Variants in TEX48 observed in about 807,000 individuals in gnomAD.
The protein encoded by TEX48 is testis expressed 48.
Under a neutral mutation model 13.2 loss-of-function variants are expected in TEX48, and 10 were observed. The ratio of observed to expected loss-of-function variants is 0.75; its 90% confidence interval spans 0.47 to 1.28. The LOEUF is 1.28. TEX48 is among the 50% of genes most tolerant of loss of function. The pLI, the probability that TEX48 is intolerant of heterozygous loss-of-function variation, is 0.00. For synonymous variants in TEX48, 45 were observed against 52.3 expected, an observed-to-expected ratio of 0.86 and a Z score of 0.60; for missense variants, 116 against 139.4, an observed-to-expected ratio of 0.83 and a Z score of 0.84.
chr9:114,667,447 C>G (rs1827861757), intron 4 of TEX48, among the ~76,000 whole-genome samples: 1 of 152,220 alleles, frequency 6.6e-6, no homozygotes, highest in Non-Finnish European at 1.5e-5. Flanking sequence ...TTGAACTACA[C>G]TCAATCCACA....
intron 3 of TEX48, among the ~76,000 whole-genome samples, chr9:114,668,994 G>A (rs1009815493): frequency 2.0e-5 from 3 of 151,874 alleles, no homozygotes; most frequent in East Asian, 1.9e-4. Flanking sequence ...GTGTCACTGC[G>A]CCCAGCTAAT....
In TEX48 at chr9:114,668,299, G is replaced by A. The variant is rs1243553029; in HGVS notation, c.166C>T (p.Pro56Ser). 13 of 1,535,652 alleles carry A rather than the reference G, an allele frequency of 8.5e-6. No homozygotes were observed. Among genetic ancestry groups the A allele is most frequent in the Middle Eastern group, 1.7e-4 (1 of 5,990 alleles). ...TGGGAGACTGCGTTAATGCGCTTGG[G>A]ATTTTGTCTGTCAAGCTCATCCTTC... is the stretch of plus-strand genomic sequence containing the variant. ...LQKDELDRQN[P>S]KRINAVSHLP... The change falls in exon 4 of 5, where the codon CCC becomes TCC. Residue 56 changes from proline (P) to serine (S), a missense_variant. Physicochemically the swap from Pro to Ser is moderately conservative, Grantham distance 74. Coordinates refer to ENST00000436752, the MANE Select transcript of TEX48 (RefSeq NM_001199233.2).
At chr9:114,676,362 G>T (rs1403002450) in intron 1 of TEX48, among the ~76,000 whole-genome samples, 1 of 151,844 alleles carries the variant, frequency 6.6e-6, no homozygotes, top group African/African-American at 2.4e-5. Context: ...GTAGAGATGG[G>T]ATTTTGCCGT....
chr9:114,666,908 TAGG>T (rs993822684), intron 4 of TEX48, among the ~76,000 whole-genome samples, 162 bp from the exon 5 acceptor site: 3 of 152,198 alleles, frequency 2.0e-5, no homozygotes, highest in Non-Finnish European at 4.4e-5. Flanking sequence ...TCTTTTGTGA[TAGG>T]AGGAGTTTCT....
intron 1 of TEX48, among the ~76,000 whole-genome samples, chr9:114,680,072 C>T (rs117312417): frequency 3.4e-3 from 517 of 150,450 alleles, no homozygotes; most frequent in Non-Finnish European, 5.5e-3. Context: ...GGCATGACTC[C>T]AGAGAGGCTT....
chr9:114,677,254 T>TG (rs35674802), intron 1 of TEX48, among the ~76,000 whole-genome samples: 23 of 148,330 alleles, frequency 1.6e-4, no homozygotes, highest in African/African-American at 5.0e-4. Context: ...TTTGTTTGTT[T>TG]TTTTGTTTTT....
At chr9:114,669,894 A>C (rs1827914700) in intron 3 of TEX48, among the ~76,000 whole-genome samples, 1 of 152,212 alleles carries the variant, frequency 6.6e-6, no homozygotes, top group Non-Finnish European at 1.5e-5. Context: ...TACCATAAAT[A>C]CTGTTGTGAT....
intron 3 of TEX48, among the ~76,000 whole-genome samples, chr9:114,669,300 A>G (rs1333239101): frequency 6.6e-6 from 1 of 152,048 alleles, no homozygotes; most frequent in Non-Finnish European, 1.5e-5. Context: ...TATTTTTTTG[A>G]GAGAATCTCA....
intron 1 of TEX48, among the ~76,000 whole-genome samples, chr9:114,673,178 A>C (rs1827979476): frequency 6.6e-6 from 1 of 152,186 alleles, no homozygotes; most frequent in Non-Finnish European, 1.5e-5. Flanking sequence ...CATGAAAAAC[A>C]AAAAATCACA....
intron 3 of TEX48, among the ~76,000 whole-genome samples, chr9:114,668,607 A>G (rs186447418): frequency 9.8e-5 from 15 of 152,352 alleles, no homozygotes; most frequent in African/African-American, 3.6e-4. Context: ...TAGAATGTGT[A>G]ATGATCAATT....
chr9:114,672,677 A>C (rs1480384736), intron 1 of TEX48, among the ~76,000 whole-genome samples: 1 of 151,990 alleles, frequency 6.6e-6, no homozygotes, highest in African/African-American at 2.4e-5. Context: ...TATTTCTCTT[A>C]CCCTGAACTT....
At chr9:114,675,380 C>T (rs1315973174) in intron 1 of TEX48, among the ~76,000 whole-genome samples, 2 of 152,210 alleles carry the variant, frequency 1.3e-5, no homozygotes, top group African/African-American at 2.4e-5. Flanking sequence ...TCCCTGTCCA[C>T]TGCAAAGCAT....
intron 1 of TEX48, among the ~76,000 whole-genome samples, chr9:114,678,734 T>G (rs1249230846): frequency 6.6e-6 from 1 of 150,900 alleles, no homozygotes; most frequent in Non-Finnish European, 1.5e-5. Context: ...TTCCAGTTAC[T>G]CAGAGGCTGA....
chr9:114,672,941 G>A (rs115642944), intron 1 of TEX48, among the ~76,000 whole-genome samples: 1,988 of 152,192 alleles, frequency 0.013, 41 homozygotes, highest in African/African-American at 0.045. Context: ...GTAAACTTGC[G>A]AAAAGGTCAA....
chr9:114,682,192 T>G lies in TEX48; in HGVS notation c.-262A>C, dbSNP rs1828216950. 1 of 152,156 alleles carries G rather than the reference T, an allele frequency of 6.6e-6. No individual in the cohort carries two copies. Among genetic ancestry groups the G allele is most frequent in the South Asian group, 2.1e-4 (1 of 4,808 alleles). 9.4% of individuals were successfully genotyped at this position (152,156 alleles called of 1,614,324 possible). A position where few individuals can be genotyped will look rare whatever the true frequency, so the allele number is the denominator to read the frequency against. On this transcript the variant is annotated 5_prime_UTR_variant, in exon 1 of 5. Coordinates refer to ENST00000436752, the MANE Select transcript of TEX48 (RefSeq NM_001199233.2). ...CCATGCTGGCCACCAGACTGTATAC[T>G]GGGGCACAAGTCCTGGGGCCTCAGG...
chr9:114,678,740 G>A (rs1828124922), intron 1 of TEX48, among the ~76,000 whole-genome samples: 1 of 151,482 alleles, frequency 6.6e-6, no homozygotes, highest in Non-Finnish European at 1.5e-5. Context: ...TTACTCAGAG[G>A]CTGAGGAGAG....
intron 1 of TEX48, among the ~76,000 whole-genome samples, chr9:114,676,620 C>CTTT (rs112453573): frequency 5.6e-5 from 8 of 144,014 alleles, no homozygotes; most frequent in East Asian, 2.0e-4. Flanking sequence ...ATTTTATTCA[C>CTTT]TTTTTTTTTT....
At chr9:114,672,133 C>T (rs551420263) in intron 1 of TEX48, among the ~76,000 whole-genome samples, 1 of 152,194 alleles carries the variant, frequency 6.6e-6, no homozygotes, top group Admixed American at 6.5e-5. Flanking sequence ...AGTGCTCAAT[C>T]AATGGTCATT....
intron 1 of TEX48, among the ~76,000 whole-genome samples, chr9:114,674,626 CT>C (rs1828022687): frequency 8.9e-6 from 1 of 111,980 alleles, no homozygotes; most frequent in Non-Finnish European, 1.8e-5. Context: ...TCCTTCCTTC[CT>C]TCCTTCCTTC....
Sources: allele counts gnomAD v4.1 joint callset (sites outside exome capture counted in the v4.1 genomes callset), GRCh38; gene constraint gnomAD v4.1.1; transcripts MANE v1.5; gene names NCBI Gene and HGNC (gene_info 2026-07-23, HGNC 2026-07-21).